The following TANGO2 variants were observed in gnomAD, a reference collection of about 807,000 sequenced individuals.
TANGO2 encodes transport and Golgi organization protein 2 homolog.
In TANGO2, 26 loss-of-function variants were observed where a neutral mutation model predicts 39.1. The ratio of observed to expected loss-of-function variants is 0.67; its 90% CI spans 0.49 to 0.92. The LOEUF is 0.92. TANGO2 is among the 40% of genes least tolerant of loss of function. TANGO2 has a pLI of 0.00. For synonymous variants in TANGO2, 131 were observed against 144.5 expected, an observed-to-expected ratio of 0.91 and a Z score of 0.67; for missense variants, 326 against 360.1, an observed-to-expected ratio of 0.91 and a Z score of 0.77.
chr22:20,024,597 G>A (rs914145925), intron 1 of TANGO2, among the ~76,000 whole-genome samples: 2 of 152,192 alleles, frequency 1.3e-5, no homozygotes, highest in Admixed American at 6.5e-5. Context: ...TTAAATGGGG[G>A]CAGCAGACTG....
chr22:20,038,727 G>A (rs2043319789), intron 2 of TANGO2, among the ~76,000 whole-genome samples: 2 of 152,244 alleles, frequency 1.3e-5, no homozygotes, highest in South Asian at 2.1e-4. Flanking sequence ...GACACTTCTG[G>A]TGGCTGCTTC....
rs1280788283 is a variant in TANGO2 at position 20,053,255 on chromosome 22, C to A, written c.266-182C>A. The stretch of plus-strand genomic sequence containing the variant: ...TTAATAAAATGAGCAGTTTTCAGTG[C>A]CGACCTGAGTGGCAGCCAGGCTAAT... On this transcript the variant is annotated intron_variant, in intron 4 of 8. Transcript: ENST00000327374. The A allele has an allele frequency of 5.8e-5, 33 of 570,918 alleles. 1 individual carries two copies. The Admixed American group carries it at 1.0e-3, about 18-fold the overall frequency. The allele number at this position is 570,918 out of a possible 1,614,324, so 35.4% of individuals were successfully genotyped here.
At chr22:20,023,406 G>A (rs931768460) in intron 1 of TANGO2, among the ~76,000 whole-genome samples, 1 of 152,250 alleles carries the variant, frequency 6.6e-6, no homozygotes, top group African/African-American at 2.4e-5. Context: ...TGAGGATGGG[G>A]CCACCCTGTG....
rs1384876642 is a variant in TANGO2 at position 20,034,172 on chromosome 22, C to T, written c.-39-2588C>T. On this transcript the variant is annotated intron_variant, in intron 1 of 8. Transcript: ENST00000327374. The stretch of plus-strand genomic sequence containing the variant: ...GTGAGCCGAGATTATGCCAGCCAGC[C>T]TGGGCAACAGGAGCAAAAACAAAAC... Among the ~76,000 whole-genome samples, 4 of 151,006 alleles carry T rather than the reference C, an allele frequency of 2.6e-5. No individual in the cohort carries two copies. In the East Asian group the frequency reaches 7.7e-4, roughly 29 times the overall value.
At chr22:20,025,853 AG>A (rs2040639627) in intron 1 of TANGO2, among the ~76,000 whole-genome samples, 1 of 152,154 alleles carries the variant, frequency 6.6e-6, no homozygotes, top group Admixed American at 6.5e-5. Flanking sequence ...TGAATAGCCA[AG>A]GGGGACAGTC....
chr22:20,036,474 C>T (rs2042873515), intron 1 of TANGO2, among the ~76,000 whole-genome samples: 1 of 152,210 alleles, frequency 6.6e-6, no homozygotes. Context: ...GGCACCCCAG[C>T]TCGGTGTGTC....
chr22:20,037,824 A>G (rs1355423110), intron 2 of TANGO2, among the ~76,000 whole-genome samples: 2 of 152,184 alleles, frequency 1.3e-5, no homozygotes, highest in Admixed American at 6.5e-5. Context: ...CTGGCCGAGC[A>G]CGGTGGCTCA....
upstream of TANGO2, among the ~76,000 whole-genome samples, chr22:20,019,971 C>T (rs549021714): frequency 1.2e-4 from 19 of 152,322 alleles, no homozygotes; most frequent in South Asian, 1.9e-3. Context: ...TGGAGCACAA[C>T]GGGCCCGCAT....
chr22:20,056,533 G>T (rs189907760), intron 6 of TANGO2: 103 of 456,784 alleles, frequency 2.3e-4, no homozygotes, highest in African/African-American at 2.0e-3. Flanking sequence ...GGCCCTTCCT[G>T]CCCTGGCTCT....
Position 20,036,752 on chromosome 22 carries a change from T to A in TANGO2, c.-39-8T>A, listed in dbSNP as rs2042920370. On this transcript the variant is annotated splice_polypyrimidine_tract_variant and splice_region_variant and intron_variant, in intron 1 of 8. Coordinates refer to ENST00000327374, the MANE Select transcript of TANGO2 (RefSeq NM_152906.7). Reference sequence around the variant, plus strand: ...TCCGCTCAACTCAGTGTTTTCCTTTTCCCGCAGACCTCGCGACCTGTGTCA... The same window carrying A: ...TCCGCTCAACTCAGTGTTTTCCTTTACCCGCAGACCTCGCGACCTGTGTCA... 1.2e-6 allele frequency: 2 copies of A among 1,613,208 alleles called. No individual in the cohort carries two copies. Among genetic ancestry groups the A allele is most frequent in the East Asian group, 4.5e-5 (2 of 44,876 alleles).
At chr22:20,053,940 C>T (rs185080307) in intron 5 of TANGO2, 81 of 353,636 alleles carry the variant, frequency 2.3e-4, no homozygotes, top group African/African-American at 1.2e-3. Context: ...GAGATGAGGC[C>T]GCAGGAACTG....
chr22:20,023,295 CTT>C (rs66496952), intron 1 of TANGO2, among the ~76,000 whole-genome samples: 2 of 151,730 alleles, frequency 1.3e-5, no homozygotes, highest in East Asian at 1.9e-4. Flanking sequence ...GAGTGCCCCC[CTT>C]TTTTTTTGTT....
At chr22:20,044,946 C>A (rs1417156946) in intron 3 of TANGO2, among the ~76,000 whole-genome samples, 2 of 152,184 alleles carry the variant, frequency 1.3e-5, no homozygotes, top group Non-Finnish European at 2.9e-5. Context: ...GAATTGTTCA[C>A]CCCTGTGGTG....
chr22:20,023,445 C>T (rs772553136), intron 1 of TANGO2, among the ~76,000 whole-genome samples: 1 of 152,210 alleles, frequency 6.6e-6, no homozygotes, highest in Non-Finnish European at 1.5e-5. Context: ...CTCACGATGC[C>T]TCTTGTTTGT....
chr22:20,023,618 G>A (rs920468407), intron 1 of TANGO2, among the ~76,000 whole-genome samples: 10 of 152,170 alleles, frequency 6.6e-5, no homozygotes, highest in African/African-American at 2.4e-4. Flanking sequence ...AGTTTGGGAG[G>A]CCGAGGCGGG....
At chr22:20,020,060 G>T (rs1367257110), upstream of TANGO2, among the ~76,000 whole-genome samples, 1 of 152,216 alleles carries the variant, frequency 6.6e-6, no homozygotes, top group Non-Finnish European at 1.5e-5. Context: ...TTTCTGCAGG[G>T]CATCAGGGCA....
In TANGO2 at chr22:20,052,462, C is replaced by T. The variant is rs540584409; in HGVS notation, c.146-3C>T. 17 of 1,597,668 alleles carry T rather than the reference C, an allele frequency of 1.1e-5. No individual in the cohort carries two copies. The South Asian group carries it at 1.8e-4, about 17-fold the overall frequency. Reference sequence around the variant, plus strand: ...ATGGTGGTAACACTGTCATCTGCCACAGGGCTGGACATGGAGGAAGGCAAG... The same window carrying T: ...ATGGTGGTAACACTGTCATCTGCCATAGGGCTGGACATGGAGGAAGGCAAG... On this transcript the variant is annotated splice_region_variant and splice_polypyrimidine_tract_variant and intron_variant, in intron 3 of 8. Transcript: ENST00000327374.
chr22:20,031,056 G>A (rs1345853457), intron 1 of TANGO2, among the ~76,000 whole-genome samples: 4 of 152,048 alleles, frequency 2.6e-5, no homozygotes, highest in African/African-American at 9.7e-5. Context: ...AAATTAGCTG[G>A]GTGTGATGGC....
intron 3 of TANGO2, among the ~76,000 whole-genome samples, chr22:20,049,505 A>G (rs2045876641): frequency 6.6e-6 from 1 of 152,132 alleles, no homozygotes. Context: ...TACTAAAAAT[A>G]CAAAATTAGC....
Sources: gnomAD v4.1 joint callset for allele counts (sites outside exome capture counted in the v4.1 genomes callset) on GRCh38, gnomAD v4.1.1 for gene constraint, MANE v1.5 for transcripts, NCBI Gene and HGNC (gene_info 2026-07-23, HGNC 2026-07-21) for gene names.